LARGE1: variants seen among roughly 807,000 people sequenced by gnomAD.
LARGE1 encodes LARGE xylosyl- and glucuronyltransferase 1.
Under a neutral mutation model 87.6 loss-of-function variants are expected in LARGE1, and 43 were observed. That is an observed-to-expected ratio of 0.49 (90% confidence interval 0.38 to 0.63). LARGE1 has a LOEUF of 0.63. Among genes scored for constraint, LARGE1 ranks in the 30% least tolerant of loss-of-function variants. The pLI is 0.00. For missense variants in LARGE1, 802 were observed against 1,000.2 expected (o/e 0.80, Z 2.67); for synonymous variants, 434 against 394.6 (o/e 1.10, Z -1.18).
chr22:33,756,092 G>T (rs957533047), intron 2 of LARGE1, among the ~76,000 whole-genome samples: 4 of 152,068 alleles, frequency 2.6e-5, no homozygotes, highest in African/African-American at 9.7e-5. Flanking sequence ...GTTCAACAGG[G>T]TATTATACCC....
chr22:33,099,306 T>A, the LARGE1 span, among the ~76,000 whole-genome samples: 1 of 152,206 alleles, frequency 6.6e-6, no homozygotes, highest in South Asian at 2.1e-4. Context: ...CAGGCTGGAG[T>A]GCAATGGCGT....
intron 6 of LARGE1, among the ~76,000 whole-genome samples, chr22:33,437,392 T>C (rs1178178797): frequency 6.6e-6 from 1 of 152,214 alleles, no homozygotes; most frequent in Non-Finnish European, 1.5e-5. Flanking sequence ...TATGTGACCC[T>C]GGACAAGGTA....
chr22:33,366,472 A>G (rs2064596885), intron 9 of LARGE1, among the ~76,000 whole-genome samples: 1 of 152,246 alleles, frequency 6.6e-6, no homozygotes, highest in Admixed American at 6.5e-5. Flanking sequence ...ATCTATTAAC[A>G]TGCTGAATGA....
intron 7 of LARGE1, among the ~76,000 whole-genome samples, chr22:33,412,782 T>G (rs111287311): frequency 4.9e-4 from 74 of 152,316 alleles, no homozygotes; most frequent in African/African-American, 1.7e-3. Context: ...TGCCTCAGCC[T>G]CCCGAGTAGC....
chr22:33,623,704 T>TAA (rs1569320692), intron 4 of LARGE1, among the ~76,000 whole-genome samples: 1 of 102,074 alleles, frequency 9.8e-6, no homozygotes, highest in African/African-American at 3.2e-5. Flanking sequence ...GTTAACTGAT[T>TAA]TAAAAAAAAA....
intron 1 of LARGE1, among the ~76,000 whole-genome samples, chr22:33,878,174 G>A (rs1390790520): frequency 3.0e-5 from 2 of 66,260 alleles, no homozygotes; most frequent in East Asian, 1.1e-3. Flanking sequence ...GCCTTGCTCT[G>A]TTGCCCAGGC....
intron 11 of LARGE1, among the ~76,000 whole-genome samples, chr22:33,209,044 G>T (rs1924827836): frequency 6.6e-6 from 1 of 152,190 alleles, no homozygotes; most frequent in South Asian, 2.1e-4. Context: ...AGGTGCATGT[G>T]TTTTTATAAT....
At chr22:33,194,948 C>T (rs952348893) in intron 11 of LARGE1, among the ~76,000 whole-genome samples, 3 of 152,116 alleles carry the variant, frequency 2.0e-5, no homozygotes, top group East Asian at 1.9e-4. Context: ...CTCATTGCTC[C>T]GATATTTTAA....
intron 4 of LARGE1, among the ~76,000 whole-genome samples, chr22:33,615,317 T>C (rs2079550218): frequency 6.6e-6 from 1 of 152,130 alleles, no homozygotes; most frequent in African/African-American, 2.4e-5. Flanking sequence ...TTGACGCAAT[T>C]ACCAAAGAGA....
chr22:33,508,380 T>C (rs1407013802), intron 6 of LARGE1, among the ~76,000 whole-genome samples: 1 of 152,228 alleles, frequency 6.6e-6, no homozygotes, highest in Non-Finnish European at 1.5e-5. Flanking sequence ...ATGCACACTA[T>C]ACTCATGGGT....
intron 6 of LARGE1, among the ~76,000 whole-genome samples, chr22:33,457,086 A>G (rs1349275279): frequency 6.6e-6 from 1 of 152,262 alleles, no homozygotes; most frequent in Non-Finnish European, 1.5e-5. Context: ...AAACATACTT[A>G]AGAATGTATC....
chr22:33,757,690 G>C (rs558533030), intron 2 of LARGE1, among the ~76,000 whole-genome samples: 1 of 152,270 alleles, frequency 6.6e-6, no homozygotes, highest in South Asian at 2.1e-4. Flanking sequence ...CCCACATAAA[G>C]TATGAATAGT....
chr22:33,899,301 G>C (rs1284384251), intron 1 of LARGE1, among the ~76,000 whole-genome samples: 1 of 152,096 alleles, frequency 6.6e-6, no homozygotes, highest in Non-Finnish European at 1.5e-5. Flanking sequence ...AAAAGTTACA[G>C]GCTCTCCCAT....
chr22:33,789,105 T>C (rs1357678883), intron 1 of LARGE1, among the ~76,000 whole-genome samples: 2 of 152,098 alleles, frequency 1.3e-5, no homozygotes. Flanking sequence ...CTTGGAGGCC[T>C]AGGAGGAAAA....
chr22:33,094,764 G>A, the LARGE1 span, among the ~76,000 whole-genome samples: 1 of 152,188 alleles, frequency 6.6e-6, no homozygotes, highest in Admixed American at 6.5e-5. Flanking sequence ...TGTCGCCCAG[G>A]CTGGAGCGCA....
chr22:33,684,554 G>C (rs1281351390), intron 2 of LARGE1, among the ~76,000 whole-genome samples: 1 of 152,146 alleles, frequency 6.6e-6, no homozygotes, highest in Non-Finnish European at 1.5e-5. Flanking sequence ...GGCCCATTTA[G>C]GGACAGTTAT....
chr22:33,603,938 T>A (rs2079177860), intron 5 of LARGE1, among the ~76,000 whole-genome samples: 1 of 152,220 alleles, frequency 6.6e-6, no homozygotes, highest in Non-Finnish European at 1.5e-5. Context: ...CACATTCAAA[T>A]ATATTCTCTC....
At chr22:33,772,077 T>A (rs749136041) in intron 1 of LARGE1, among the ~76,000 whole-genome samples, 2 of 152,214 alleles carry the variant, frequency 1.3e-5, no homozygotes, top group Non-Finnish European at 2.9e-5. Flanking sequence ...CTCACACCTG[T>A]AATCCCAGCA....
intron 1 of LARGE1, among the ~76,000 whole-genome samples, chr22:33,841,421 G>A (rs1369745810): frequency 6.6e-6 from 1 of 152,124 alleles, no homozygotes; most frequent in Non-Finnish European, 1.5e-5. Context: ...AGATGGCCTG[G>A]TCCCTCTCCA....
Sources: gnomAD v4.1 joint callset for allele counts (sites outside exome capture counted in the v4.1 genomes callset) on GRCh38, gnomAD v4.1.1 for gene constraint, MANE v1.5 for transcripts, NCBI Gene and HGNC (gene_info 2026-07-23, HGNC 2026-07-21) for gene names.